CRISPLD1: variants seen among roughly 807,000 people sequenced by gnomAD.
The protein encoded by CRISPLD1 is cysteine rich secretory protein LCCL domain containing 1, also known as cysteine-rich secretory protein LCCL domain-containing 1.
A neutral mutation model predicts 77.5 loss-of-function variants in CRISPLD1; 60 were observed. That is an observed-to-expected ratio of 0.77 (90% CI 0.63 to 0.96). The LOEUF (loss-of-function observed/expected upper bound fraction) is 0.96, where lower values mean the gene tolerates loss of function less well. Ranked by LOEUF, CRISPLD1 falls within the 40% of genes least tolerant of loss-of-function variation. The probability of loss-of-function intolerance (pLI) is 0.00; values close to 1 mark genes in which losing one functional copy is unlikely to be tolerated. For missense variants in CRISPLD1, 623 were observed against 615.8 expected (o/e 1.01, Z -0.12); for synonymous variants, 195 against 200.1 (o/e 0.97, Z 0.22).
intron 12 of CRISPLD1, among the ~76,000 whole-genome samples, chr8:75,020,322 CAA>C (rs1813111474): frequency 6.6e-6 from 1 of 152,198 alleles, no homozygotes; most frequent in African/African-American, 2.4e-5. Context: ...ATCTGTGATA[CAA>C]AGAGTGCCTT....
Position 74,984,832 on chromosome 8 carries a change from T to A in CRISPLD1, c.-151T>A, listed in dbSNP as rs1364768184. On this transcript the variant is annotated 5_prime_UTR_variant, in exon 1 of 15. Transcript: ENST00000262207. ...GGCCCTTCGCGAGCGGGGCTCTCCG[T>A]CTGCGGTCCCTTGTGAAGGCTCTGG... The A allele has an allele frequency of 6.6e-6, 1 of 152,248 alleles. No individual in the cohort carries two copies. The highest frequency in any genetic ancestry group is 1.5e-5 in the Non-Finnish European group (1 of 68,100). 9.4% of individuals were successfully genotyped at this position (152,248 alleles called of 1,614,324 possible). A position where few individuals can be genotyped will look rare whatever the true frequency, so the allele number is the denominator to read the frequency against.
chr8:74,990,289 A>G (rs1018540605), intron 2 of CRISPLD1, among the ~76,000 whole-genome samples: 2 of 151,962 alleles, frequency 1.3e-5, no homozygotes, highest in Non-Finnish European at 2.9e-5. Flanking sequence ...CTATTTAAAA[A>G]AAAAAAAAGA....
intron 2 of CRISPLD1, among the ~76,000 whole-genome samples, chr8:74,988,017 C>G (rs571638365): frequency 6.6e-6 from 1 of 152,128 alleles, no homozygotes; most frequent in Non-Finnish European, 1.5e-5. Flanking sequence ...AATGTAGATT[C>G]AGAAACCAGC....
intron 10 of CRISPLD1, among the ~76,000 whole-genome samples, chr8:75,018,589 C>CT (rs1813078394): frequency 6.6e-6 from 1 of 151,854 alleles, no homozygotes; most frequent in South Asian, 2.1e-4. Flanking sequence ...CCACATCTGG[C>CT]TTATACAGTC....
intron 13 of CRISPLD1, 46 bp downstream of exon 13, chr8:75,025,667 TA>T: frequency 1.0e-6 from 1 of 985,052 alleles, no homozygotes; most frequent in Non-Finnish European, 1.6e-6. Context: ...TGTATATATA[TA>T]AATGTATAGA....
chr8:75,022,368 C>T (rs149182597), intron 12 of CRISPLD1, among the ~76,000 whole-genome samples: 4 of 151,834 alleles, frequency 2.6e-5, no homozygotes, highest in Admixed American at 1.3e-4. Flanking sequence ...GGGTGGATCA[C>T]GAGGTCAGGA....
In CRISPLD1 at chr8:75,033,952, T is replaced by C. The variant is rs968349751; in HGVS notation, c.*1710T>C. On this transcript the variant is annotated 3_prime_UTR_variant, in exon 15 of 15. Transcript: ENST00000262207. ...CATAGACTCTTTTTCTGGTCCTTAC[T>C]GCTCCTCCCACAACAGGGAAGCCCG... 6.6e-6 allele frequency: 1 copy of C among 152,064 alleles called. No homozygotes were observed. Among genetic ancestry groups the C allele is most frequent in the Non-Finnish European group, 1.5e-5 (1 of 67,930 alleles). The allele number at this position is 152,064 out of a possible 1,614,324, so 9.4% of individuals were successfully genotyped here. A position where few individuals can be genotyped will look rare whatever the true frequency, so the allele number is the denominator to read the frequency against.
intron 13 of CRISPLD1, among the ~76,000 whole-genome samples, chr8:75,028,791 T>C (rs776894960): frequency 6.6e-6 from 1 of 152,176 alleles, no homozygotes; most frequent in Non-Finnish European, 1.5e-5. Context: ...GTAGAAGCTA[T>C]GATGATTCTT....
intron 9 of CRISPLD1, 44 bp from the exon 10 acceptor site, chr8:75,017,276 C>G (rs1813049248): frequency 2.5e-6 from 4 of 1,599,228 alleles, no homozygotes; most frequent in Admixed American, 1.8e-5. Flanking sequence ...TTATGCAGAA[C>G]TCTAATATTT....
intron 12 of CRISPLD1, among the ~76,000 whole-genome samples, chr8:75,023,073 T>TAAAAAA (rs397891797): frequency 1.8e-5 from 2 of 112,056 alleles, no homozygotes; most frequent in Admixed American, 9.7e-5. Context: ...AAATTGTAGG[T>TAAAAAA]AAAAAAAAAA....
chr8:75,021,198 A>C (rs1315244232), intron 12 of CRISPLD1, among the ~76,000 whole-genome samples: 2 of 152,232 alleles, frequency 1.3e-5, no homozygotes, highest in Middle Eastern at 3.2e-3. Context: ...AAATGAAAGC[A>C]ATGTTTCACT....
chr8:75,016,350 A>G (rs1338015650), intron 6 of CRISPLD1, among the ~76,000 whole-genome samples: 4 of 152,206 alleles, frequency 2.6e-5, no homozygotes, highest in Non-Finnish European at 4.4e-5. Context: ...TCGAACATTA[A>G]CATAAATGAA....
Position 75,014,057 on chromosome 8 carries a change from A to G in CRISPLD1, c.581A>G (p.Gln194Arg). 1 of 1,613,242 alleles carries G rather than the reference A, an allele frequency of 6.2e-7. No homozygotes were observed. The highest frequency in any genetic ancestry group is 8.5e-7 in the Non-Finnish European group (1 of 1,179,400). The change falls in exon 5 of 15, where the codon CAG (glutamine) becomes CGG (arginine). Residue 194 changes from glutamine to arginine, a missense_variant. By Grantham distance (43) the Gln-to-Arg change is conservative. Transcript: ENST00000262207. ...NLCHNMNIWG[Q>R]IWPKAVYLVC... ...TGTCATAACATGAACATCTGGGGGC[A>G]GATATGGCCCAAAGCTGTCTACCTG...
intron 2 of CRISPLD1, among the ~76,000 whole-genome samples, chr8:74,997,340 G>A (rs1427168977): frequency 1.3e-5 from 2 of 152,036 alleles, no homozygotes; most frequent in East Asian, 3.9e-4. Context: ...GAAGGGTGAA[G>A]GATAAGGAGG....
rs746550333 is a variant in CRISPLD1 at position 75,012,935 on chromosome 8, G to A, written c.423G>A (p.Val141=). The A allele has an allele frequency of 2.5e-6, 4 of 1,612,772 alleles. No homozygotes were observed. Among genetic ancestry groups the A allele is most frequent in the East Asian group, 4.5e-5 (2 of 44,848 alleles). ...ATGTACAATCGTGGTATGATGAAGT[G>A]AAAGACTTTAGCTACCCATATGAAC... ...TFHVQSWYDE[V]KDFSYPYEHE... The change falls in exon 4 of 15, where the codon GTG becomes GTA. Residue 141 remains valine (V), a synonymous_variant. Coordinates refer to ENST00000262207, the MANE Select transcript of CRISPLD1 (RefSeq NM_031461.6).
chr8:74,988,109 A>G (rs1812522258), intron 2 of CRISPLD1, among the ~76,000 whole-genome samples: 1 of 152,214 alleles, frequency 6.6e-6, no homozygotes, highest in Non-Finnish European at 1.5e-5. Context: ...AGAGAAGTGC[A>G]TTGCCCAACT....
At position 75,012,971 on chromosome 8, in the gene CRISPLD1, C is replaced by T. The variant is rs142874642; in HGVS notation, c.459C>T (p.Asn153=). 2 of 1,612,568 alleles carry T rather than the reference C, an allele frequency of 1.2e-6. No homozygotes were observed. The highest frequency in any genetic ancestry group is 1.7e-6 in the Non-Finnish European group (2 of 1,179,066). Residue 153 remains asparagine (N), a synonymous_variant, in exon 4 of 15, where the codon AAC becomes AAT. Transcript: ENST00000262207. The part of the protein sequence containing the change: ...DFSYPYEHEC[N]PYCPFRCSGP... ...GCTACCCATATGAACATGAATGCAA[C>T]CCATATTGTCCATTCAGGTGTTCTG...
chr8:75,024,032 G>A (rs115867263), intron 12 of CRISPLD1, among the ~76,000 whole-genome samples: 2,189 of 152,264 alleles, frequency 0.014, 53 homozygotes, highest in East Asian at 0.084. Context: ...ATATCAGTAA[G>A]GCAGTAGGAT....
At position 75,014,931 on chromosome 8, in the gene CRISPLD1, T is replaced by G; in HGVS notation, c.727+19T>G. The stretch of plus-strand genomic sequence containing the variant: ...TACAAAGGTAAGTGCTATTGTGTTG[T>G]GGTATTCATGTTGATTTATATTTTA... On this transcript the variant is annotated intron_variant, in intron 6 of 14. Transcript: ENST00000262207. The G allele has an allele frequency of 6.8e-7, 1 of 1,479,626 alleles. No homozygotes were observed. The highest frequency in any genetic ancestry group is 9.1e-7 in the Non-Finnish European group (1 of 1,100,808). 91.7% of individuals were successfully genotyped at this position (1,479,626 alleles called of 1,614,324 possible).
Sources: gnomAD v4.1 joint callset for allele counts (sites outside exome capture counted in the v4.1 genomes callset) on GRCh38, gnomAD v4.1.1 for gene constraint, MANE v1.5 for transcripts, NCBI Gene and HGNC (gene_info 2026-07-23, HGNC 2026-07-21) for gene names.